The following GALK2 variants were observed in gnomAD, a reference collection of about 807,000 sequenced individuals.
GALK2 encodes galactokinase 2.
In GALK2, 36 loss-of-function variants were observed where a neutral mutation model predicts 52.4. That is an observed-to-expected ratio of 0.69 (90% confidence interval 0.53 to 0.91). The LOEUF (loss-of-function observed/expected upper bound fraction) is 0.91. Among genes scored for constraint, GALK2 ranks in the 40% least tolerant of loss-of-function variants. The pLI is 0.00. For synonymous variants in GALK2, 176 were observed against 199.1 expected, an observed-to-expected ratio of 0.88 and a Z score of 0.98; for missense variants, 579 against 559.1, an observed-to-expected ratio of 1.04 and a Z score of -0.36.
chr15:49,328,270 G>C lies in GALK2; in HGVS notation c.*111G>C. The C allele has an allele frequency of 6.9e-7, 1 of 1,450,956 alleles. No individual in the cohort carries two copies. Among genetic ancestry groups the C allele is most frequent in the Non-Finnish European group, 9.1e-7 (1 of 1,102,300 alleles). 89.9% of individuals were successfully genotyped at this position (1,450,956 alleles called of 1,614,324 possible). On this transcript the variant is annotated 3_prime_UTR_variant, in exon 10 of 10. Transcript: ENST00000560031. ...CTGTTTTGTATTATGATGAACGGTT[G>C]CTATTATATCAAGATATATTTTCAA...
intron 1 of GALK2, among the ~76,000 whole-genome samples, chr15:49,172,308 T>C (rs2085157992): frequency 6.6e-6 from 1 of 152,206 alleles, no homozygotes; most frequent in Non-Finnish European, 1.5e-5. Context: ...AAATATTTAT[T>C]GTTAATATTT....
At chr15:49,201,480 G>A (rs2087770488) in intron 2 of GALK2, among the ~76,000 whole-genome samples, 3 of 152,160 alleles carry the variant, frequency 2.0e-5, no homozygotes, top group South Asian at 4.1e-4. Context: ...TTGAAACCAA[G>A]TTGTTAATAT....
chr15:49,231,201 A>G (rs2090483370), intron 3 of GALK2, among the ~76,000 whole-genome samples: 1 of 152,178 alleles, frequency 6.6e-6, no homozygotes, highest in Non-Finnish European at 1.5e-5. Flanking sequence ...CCTCAGGCAA[A>G]TTACAAACAT....
chr15:49,251,167 G>A (rs1439555484), intron 5 of GALK2, among the ~76,000 whole-genome samples: 1 of 152,070 alleles, frequency 6.6e-6, no homozygotes, highest in East Asian at 1.9e-4. Context: ...CATGACATTG[G>A]ATACAAAAAA....
intron 3 of GALK2, among the ~76,000 whole-genome samples, chr15:49,352,949 A>G (rs2042468876): frequency 6.6e-6 from 1 of 152,176 alleles, no homozygotes; most frequent in Non-Finnish European, 1.5e-5. Flanking sequence ...TATTAAACTT[A>G]GCTTTGCTTG....
chr15:49,158,110 G>GT (rs2084520662), intron 1 of GALK2, among the ~76,000 whole-genome samples: 1 of 152,090 alleles, frequency 6.6e-6, no homozygotes, highest in South Asian at 2.1e-4. Flanking sequence ...CTAGTAGTGT[G>GT]TTTTTTCTGA....
intron 1 of GALK2, among the ~76,000 whole-genome samples, chr15:49,180,892 C>T (rs2085906091): frequency 6.6e-6 from 1 of 152,152 alleles, no homozygotes; most frequent in Non-Finnish European, 1.5e-5. Flanking sequence ...ATATCATATT[C>T]TGTCATAGCA....
intron 3 of GALK2, among the ~76,000 whole-genome samples, chr15:49,357,472 C>T (rs986452642): frequency 2.0e-5 from 3 of 152,074 alleles, no homozygotes; most frequent in African/African-American, 7.2e-5. Flanking sequence ...TGCAAATAAA[C>T]TAGAAAATCT....
chr15:49,220,209 T>TC (rs2089696121), intron 3 of GALK2, among the ~76,000 whole-genome samples: 1 of 152,016 alleles, frequency 6.6e-6, no homozygotes, highest in Non-Finnish European at 1.5e-5. Context: ...TAGAACTTAT[T>TC]CCTTCTATCT....
chr15:49,256,122 G>GA (rs1374811262), intron 5 of GALK2, among the ~76,000 whole-genome samples: 1 of 152,100 alleles, frequency 6.6e-6, no homozygotes, highest in Non-Finnish European at 1.5e-5. Flanking sequence ...AGGCTCCAAA[G>GA]AAAATACCAA....
At chr15:49,298,972 G>A (rs2034723611) in intron 8 of GALK2, among the ~76,000 whole-genome samples, 1 of 152,114 alleles carries the variant, frequency 6.6e-6, no homozygotes, top group African/African-American at 2.4e-5. Flanking sequence ...AATAATTCCA[G>A]TAGGATTGCT....
chr15:49,345,636 T>G (rs1465528376), intron 3 of GALK2, among the ~76,000 whole-genome samples: 2 of 152,208 alleles, frequency 1.3e-5, no homozygotes, highest in African/African-American at 4.8e-5. Context: ...TACTTTATAT[T>G]CCCATGCACT....
chr15:49,248,460 A>G (rs2091451311), intron 5 of GALK2, among the ~76,000 whole-genome samples: 1 of 152,206 alleles, frequency 6.6e-6, no homozygotes, highest in Non-Finnish European at 1.5e-5. Context: ...TGGTAAATCC[A>G]GAATACAAGC....
At chr15:49,265,895 G>T (rs2092343977) in intron 5 of GALK2, among the ~76,000 whole-genome samples, 1 of 152,200 alleles carries the variant, frequency 6.6e-6, no homozygotes, top group Admixed American at 6.5e-5. Context: ...CATTAAAAAA[G>T]GAGTGTTTGC....
chr15:49,314,722 A>G (rs2036262030), intron 8 of GALK2, among the ~76,000 whole-genome samples: 1 of 152,240 alleles, frequency 6.6e-6, no homozygotes, highest in Non-Finnish European at 1.5e-5. Context: ...CCAATGAACA[A>G]ATGAACACAC....
rs1398809143 is a variant in GALK2, at chr15:49,198,000, A to G, written c.54-3162A>G. Among the ~76,000 whole-genome samples the G allele has an allele frequency of 2.6e-5, 4 of 152,196 alleles. No homozygotes were observed. The East Asian group carries it at 7.7e-4, about 29-fold the overall frequency. On this transcript the variant is annotated intron_variant, in intron 1 of 9. Coordinates refer to ENST00000560031, the MANE Select transcript of GALK2 (RefSeq NM_002044.4). ...TGTCATTCTATCTCAAATCCAGACA[A>G]ATAACCTCAGTTGTTTCAACAAACT...
At chr15:49,311,805 C>A (rs1004136818) in intron 8 of GALK2, among the ~76,000 whole-genome samples, 1 of 152,170 alleles carries the variant, frequency 6.6e-6, no homozygotes, top group Non-Finnish European at 1.5e-5. Context: ...GATGTGTTAC[C>A]CAGGCACATC....
At chr15:49,266,630 C>T (rs1566998248) in intron 5 of GALK2, among the ~76,000 whole-genome samples, 1 of 152,198 alleles carries the variant, frequency 6.6e-6, no homozygotes, top group Non-Finnish European at 1.5e-5. Flanking sequence ...TTAAAACTGA[C>T]TCTTTCCCCA....
At chr15:49,360,765 G>C (rs1046132853) in intron 3 of GALK2, among the ~76,000 whole-genome samples, 6 of 152,096 alleles carry the variant, frequency 3.9e-5, no homozygotes, top group Admixed American at 3.9e-4. Context: ...ATATTTAAAT[G>C]TTCTGCTAAT....
Sources: allele counts gnomAD v4.1 joint callset (sites outside exome capture counted in the v4.1 genomes callset), GRCh38; gene constraint gnomAD v4.1.1; transcripts MANE v1.5; gene names NCBI Gene and HGNC (gene_info 2026-07-23, HGNC 2026-07-21).